Variants in RPSA2 observed in about 807,000 individuals in gnomAD.
RPSA2 encodes small ribosomal subunit protein uS2B.
chr19:23,848,035 C>T, the RPSA2 span, among the ~76,000 whole-genome samples: 2,371 of 152,226 alleles, frequency 0.016, 79 homozygotes, highest in African/African-American at 0.053. Context: ...GCACTGATTT[C>T]GTATTGTTCA....
the RPSA2 span, among the ~76,000 whole-genome samples, chr19:23,811,035 C>T: frequency 2.1e-5 from 3 of 141,262 alleles, no homozygotes; most frequent in Non-Finnish European, 4.5e-5. Context: ...GAGACGGAGT[C>T]TTGCTCTGTC....
chr19:23,774,614 A>G, the RPSA2 span, among the ~76,000 whole-genome samples: 9 of 152,316 alleles, frequency 5.9e-5, no homozygotes, highest in Non-Finnish European at 7.4e-5. Context: ...CTTTAAGAGC[A>G]TCAACTATTT....
At chr19:23,819,843 C>T in the RPSA2 span, among the ~76,000 whole-genome samples, 1 of 152,128 alleles carries the variant, frequency 6.6e-6, no homozygotes, top group African/African-American at 2.4e-5. Flanking sequence ...TCATGTGTTC[C>T]ACTTTTTCTG....
At chr19:23,847,461 A>C in the RPSA2 span, among the ~76,000 whole-genome samples, 1 of 152,302 alleles carries the variant, frequency 6.6e-6, no homozygotes, top group East Asian at 1.9e-4. Flanking sequence ...ACATATCGGT[A>C]GGACCATGAT....
chr19:23,832,590 C>CAT, the RPSA2 span: 12 of 1,207,496 alleles, frequency 9.9e-6, no homozygotes, highest in African/African-American at 1.5e-5. Context: ...AGCCAGTCCC[C>CAT]ATACCTTACT....
chr19:23,840,661 A>G, the RPSA2 span, among the ~76,000 whole-genome samples: 1 of 152,204 alleles, frequency 6.6e-6, no homozygotes, highest in Non-Finnish European at 1.5e-5. Flanking sequence ...ACACTATTAG[A>G]AATTACAAAA....
At chr19:23,815,701 T>C in the RPSA2 span, among the ~76,000 whole-genome samples, 1 of 152,218 alleles carries the variant, frequency 6.6e-6, no homozygotes. Flanking sequence ...TGTTTTCTTG[T>C]TGATTTTTTA....
chr19:23,832,750 C>A, the RPSA2 span: 1 of 1,560,262 alleles, frequency 6.4e-7, no homozygotes, highest in Admixed American at 1.7e-5. Flanking sequence ...AGCTTTTAGC[C>A]AGTCATCAAT....
chr19:23,863,873 T>C, the RPSA2 span, among the ~76,000 whole-genome samples: 2 of 152,176 alleles, frequency 1.3e-5, no homozygotes, highest in Admixed American at 6.5e-5. Flanking sequence ...AACAAACACA[T>C]GACCACACAC....
At chr19:23,788,952 T>TA in the RPSA2 span, among the ~76,000 whole-genome samples, 2 of 151,368 alleles carry the variant, frequency 1.3e-5, no homozygotes, top group Admixed American at 6.6e-5. Context: ...CTTTGTAACA[T>TA]ATCACTGGGC....
chr19:23,807,830 T>C, the RPSA2 span: 1 of 415,424 alleles, frequency 2.4e-6, no homozygotes, highest in South Asian at 2.1e-5. Context: ...TTCCAGGGAC[T>C]CTTGACGTTT....
chr19:23,773,572 A>G, the RPSA2 span, among the ~76,000 whole-genome samples: 1 of 152,166 alleles, frequency 6.6e-6, no homozygotes, highest in East Asian at 1.9e-4. Context: ...GTGAGCCACC[A>G]CAGCCGGCCT....
At chr19:23,858,425 A>G in the RPSA2 span, among the ~76,000 whole-genome samples, 832 of 144,490 alleles carry the variant, frequency 5.8e-3, 5 homozygotes, top group Middle Eastern at 0.019. Flanking sequence ...AAGAACAACT[A>G]GAGTTTGCTG....
At chr19:23,761,086 A>ATG in the RPSA2 span, among the ~76,000 whole-genome samples, 6 of 79,024 alleles carry the variant, frequency 7.6e-5, no homozygotes, top group South Asian at 6.1e-4. Context: ...GTGTATATAT[A>ATG]TATGTGTGTG....
the RPSA2 span, among the ~76,000 whole-genome samples, chr19:23,844,497 G>A: frequency 6.6e-6 from 1 of 152,068 alleles, no homozygotes; most frequent in Non-Finnish European, 1.5e-5. Context: ...TTATTGAAAA[G>A]TGCTTAGTAA....
At chr19:23,819,378 G>C in the RPSA2 span, 2 of 152,360 alleles carry the variant, frequency 1.3e-5, no homozygotes, top group Admixed American at 1.3e-4. Context: ...GGTCCTTCTG[G>C]CTGGTCCACT....
chr19:23,796,268 T>C, the RPSA2 span, among the ~76,000 whole-genome samples: 1 of 152,240 alleles, frequency 6.6e-6, no homozygotes, highest in Non-Finnish European at 1.5e-5. Context: ...ATCACATTTA[T>C]TGATTTGATT....
At chr19:23,835,088 T>C in the RPSA2 span, among the ~76,000 whole-genome samples, 1 of 152,162 alleles carries the variant, frequency 6.6e-6, no homozygotes, top group Non-Finnish European at 1.5e-5. Flanking sequence ...GTTTAAGTTA[T>C]TTTTAATGTA....
chr19:23,786,486 G>A, the RPSA2 span, among the ~76,000 whole-genome samples: 3 of 152,136 alleles, frequency 2.0e-5, no homozygotes, highest in African/African-American at 7.2e-5. Context: ...TCAATTTTGG[G>A]TGAATCCTGC....
Sources: allele counts gnomAD v4.1 joint callset (sites outside exome capture counted in the v4.1 genomes callset), GRCh38; gene constraint gnomAD v4.1.1; transcripts MANE v1.5; gene names NCBI Gene and HGNC (gene_info 2026-07-23, HGNC 2026-07-21).